The following DPP6 variants were observed in gnomAD, a reference collection of about 807,000 sequenced individuals.
DPP6 encodes the protein A-type potassium channel modulatory protein DPP6.
In DPP6, 69 loss-of-function variants were observed where a neutral mutation model predicts 122.6. The ratio of observed to expected loss-of-function variants is 0.56; its 90% CI spans 0.46 to 0.69. The LOEUF (loss-of-function observed/expected upper bound fraction) is 0.69, where lower values mean the gene tolerates loss of function less well. Ranked by LOEUF, DPP6 falls within the 30% of genes least tolerant of loss-of-function variation. DPP6 has a pLI of 0.00. For missense variants in DPP6, 928 were observed against 1,116.9 expected (o/e 0.83, Z 2.41); for synonymous variants, 418 against 433.1 (o/e 0.97, Z 0.43).
chr7:154,150,591 G>T (rs1373121813), intron 1 of DPP6, among the ~76,000 whole-genome samples: 1 of 152,196 alleles, frequency 6.6e-6, no homozygotes, highest in Non-Finnish European at 1.5e-5. Context: ...CAAAGAATAG[G>T]CATCTTATGG....
intron 7 of DPP6, among the ~76,000 whole-genome samples, chr7:154,672,215 G>A (rs1369882559): frequency 6.6e-6 from 1 of 152,126 alleles, no homozygotes; most frequent in African/African-American, 2.4e-5. Context: ...TGCCGTGATT[G>A]TAAGTCTCCT....
At chr7:154,384,410 C>A (rs1813897550) in intron 1 of DPP6, among the ~76,000 whole-genome samples, 1 of 152,134 alleles carries the variant, frequency 6.6e-6, no homozygotes, top group Non-Finnish European at 1.5e-5. Flanking sequence ...TGAACTTGGG[C>A]AGACACTTGA....
chr7:154,322,802 C>G (rs181429639), intron 1 of DPP6, among the ~76,000 whole-genome samples: 1 of 152,164 alleles, frequency 6.6e-6, no homozygotes, highest in East Asian at 1.9e-4. Context: ...TCTTTGCCTT[C>G]AAGGTGTTTG....
At chr7:154,695,261 G>T (rs117194742) in intron 7 of DPP6, among the ~76,000 whole-genome samples, 2 of 152,100 alleles carry the variant, frequency 1.3e-5, no homozygotes, top group Non-Finnish European at 2.9e-5. Context: ...GTGGCAGGGC[G>T]CCAGAAAGGG....
intron 1 of DPP6, among the ~76,000 whole-genome samples, chr7:153,995,210 C>A (rs1455337587): frequency 6.6e-6 from 1 of 152,084 alleles, no homozygotes; most frequent in Non-Finnish European, 1.5e-5. Flanking sequence ...TCACAGTAGC[C>A]ACTGATAAAA....
intron 12 of DPP6, among the ~76,000 whole-genome samples, chr7:154,798,538 C>T (rs1448785526): frequency 6.6e-6 from 1 of 152,256 alleles, no homozygotes; most frequent in Non-Finnish European, 1.5e-5. Context: ...GTATGCAATG[C>T]TGCCATGAGT....
At chr7:154,371,911 G>A (rs967732733) in intron 1 of DPP6, among the ~76,000 whole-genome samples, 3 of 152,162 alleles carry the variant, frequency 2.0e-5, no homozygotes, top group African/African-American at 7.2e-5. Flanking sequence ...AGACATACCG[G>A]GAAGCCAGAG....
In DPP6 at chr7:154,794,652, A is replaced by G. The variant is rs368972284; in HGVS notation, c.1260+450A>G. 3.9e-5 allele frequency among the ~76,000 whole-genome samples: 6 copies of G among 152,152 alleles called. No homozygotes were observed. The East Asian group carries it at 1.2e-3, about 29-fold the overall frequency. On this transcript the variant is annotated intron_variant, in intron 11 of 25. Transcript: ENST00000377770. ...TCCTGGTGAGGCCAGCCATGTTTCT[A>G]GGAGTCTCAGGCCGACTCAGTGTGT...
At chr7:153,928,534 G>A (rs556142410) in intron 1 of DPP6, among the ~76,000 whole-genome samples, 65 of 149,970 alleles carry the variant, frequency 4.3e-4, no homozygotes, top group African/African-American at 1.3e-3. Flanking sequence ...GAGCCATTGC[G>A]CCCACGAGGG....
At chr7:154,533,177 T>C (rs1386006502) in intron 3 of DPP6, among the ~76,000 whole-genome samples, 1 of 152,216 alleles carries the variant, frequency 6.6e-6, no homozygotes, top group Non-Finnish European at 1.5e-5. Context: ...TGTTCCTGTC[T>C]GAAGTTTCCC....
chr7:154,891,276 G>A (rs555455427), intron 25 of DPP6: 8 of 152,284 alleles, frequency 5.3e-5, no homozygotes, highest in African/African-American at 1.7e-4. Flanking sequence ...ATCCCTGCAC[G>A]TGCACAGATG....
intron 1 of DPP6, among the ~76,000 whole-genome samples, chr7:154,307,101 T>G (rs569015778): frequency 3.7e-4 from 56 of 152,274 alleles, no homozygotes; most frequent in African/African-American, 1.2e-3. Context: ...CTACACCCGA[T>G]ACACCCAAGG....
intron 1 of DPP6, among the ~76,000 whole-genome samples, chr7:154,186,706 A>G (rs1019158215): frequency 2.6e-5 from 4 of 152,254 alleles, no homozygotes; most frequent in African/African-American, 4.8e-5. Flanking sequence ...CAAATACTCA[A>G]TACTCCAAAG....
At chr7:154,580,818 A>G (rs1284085151) in intron 5 of DPP6, among the ~76,000 whole-genome samples, 1 of 152,160 alleles carries the variant, frequency 6.6e-6, no homozygotes, top group East Asian at 1.9e-4. Context: ...CATGGGAAAC[A>G]CCTGCAGCGA....
chr7:154,022,886 G>A (rs2533815), intron 1 of DPP6, among the ~76,000 whole-genome samples: 14 of 152,178 alleles, frequency 9.2e-5, no homozygotes, highest in South Asian at 2.1e-4. Flanking sequence ...ATCAAAGAGC[G>A]GGGAGAACCC....
chr7:154,081,365 A>C lies in DPP6; in HGVS notation c.243+28302A>C, dbSNP rs140417763. On this transcript the variant is annotated intron_variant, in intron 1 of 25. Transcript: ENST00000377770. ...ACTCTGATGCCTCCAGGGTGGATTC[A>C]CTGTGCCATGGAAAACCACATAACA... is the stretch of plus-strand genomic sequence containing the variant. Among the ~76,000 whole-genome samples the C allele has an allele frequency of 9.6e-3, 1,402 of 146,422 alleles. 73 individuals are homozygous for C. Among genetic ancestry groups the C allele is most frequent in the African/African-American group, 0.033 (1,328 of 40,622 alleles).
At chr7:153,934,204 G>A (rs1262144307) in intron 1 of DPP6, among the ~76,000 whole-genome samples, 2 of 152,240 alleles carry the variant, frequency 1.3e-5, no homozygotes, top group Non-Finnish European at 2.9e-5. Context: ...GTGGGGCCTG[G>A]CGACAGGGTA....
rs951065953 is a variant in DPP6, at chr7:154,486,723, G to A, written c.457+11686G>A. On this transcript the variant is annotated intron_variant, in intron 3 of 25. Coordinates refer to ENST00000377770, the MANE Select transcript of DPP6 (RefSeq NM_130797.4). The surrounding 1 kb of genome is among the most constrained non-coding windows in gnomAD (Gnocchi z 4.5). The stretch of plus-strand genomic sequence containing the variant: ...TTGGGGATGCAGCCCACTTCGCAGA[G>A]GCTGGATGCACTTCCTCCGTCTGAA... Among the ~76,000 whole-genome samples, 1 of 152,208 alleles carries A rather than the reference G, an allele frequency of 6.6e-6. No homozygotes were observed. Among genetic ancestry groups the A allele is most frequent in the Non-Finnish European group, 1.5e-5 (1 of 68,032 alleles).
chr7:154,337,736 A>G (rs1373057796), intron 1 of DPP6, among the ~76,000 whole-genome samples: 1 of 152,218 alleles, frequency 6.6e-6, no homozygotes, highest in South Asian at 2.1e-4. Flanking sequence ...GGAGGAAGTC[A>G]CCTCTTTTAG....
Sources: allele counts gnomAD v4.1 joint callset (sites outside exome capture counted in the v4.1 genomes callset), GRCh38; gene constraint gnomAD v4.1.1; non-coding constraint Gnocchi (gnomAD v3.1); transcripts MANE v1.5; gene names NCBI Gene and HGNC (gene_info 2026-07-23, HGNC 2026-07-21).